SLCO3A1: variants seen among roughly 807,000 people sequenced by gnomAD.
SLCO3A1 encodes solute carrier organic anion transporter family member 3A1.
In SLCO3A1, 27 loss-of-function variants were observed where a neutral mutation model predicts 63.1. The observed-to-expected ratio is 0.43, with a 90% CI of 0.32 to 0.59. The LOEUF (loss-of-function observed/expected upper bound fraction) is 0.59. SLCO3A1 is among the 20% of genes least tolerant of loss of function. SLCO3A1 has a pLI of 0.09. For synonymous variants in SLCO3A1, 473 were observed against 409.9 expected (o/e 1.15, Z -1.86); for missense variants, 773 against 945.8 (o/e 0.82, Z 2.40).
intron 2 of SLCO3A1, among the ~76,000 whole-genome samples, chr15:92,040,937 C>A (rs959398963): frequency 6.6e-6 from 1 of 152,098 alleles, no homozygotes; most frequent in African/African-American, 2.4e-5. Context: ...AAGATTGATT[C>A]GGTTTGAGCA....
At chr15:92,050,509 C>A (rs981507671) in intron 2 of SLCO3A1, among the ~76,000 whole-genome samples, 2 of 152,292 alleles carry the variant, frequency 1.3e-5, no homozygotes, top group East Asian at 3.9e-4. Flanking sequence ...CTGGTATGGT[C>A]GGAAGTGGAT....
chr15:92,076,250 G>T (rs2047275100), intron 2 of SLCO3A1, among the ~76,000 whole-genome samples: 2 of 152,092 alleles, frequency 1.3e-5, no homozygotes, highest in Non-Finnish European at 2.9e-5. Context: ...GGTTGGAAAG[G>T]GGTGAGAATG....
In SLCO3A1 at chr15:92,163,864, TG is replaced by T. The variant is rs2048470748; in HGVS notation, c.*735del. 3.6e-5 allele frequency: 35 copies of T among 985,638 alleles called. No individual in the cohort carries two copies. The highest frequency in any genetic ancestry group is 4.1e-5 in the Non-Finnish European group (34 of 830,144). The allele number at this position is 985,638 out of a possible 1,614,324, so 61.1% of individuals were successfully genotyped here. A position where few individuals can be genotyped will look rare whatever the true frequency, so the allele number is the denominator to read the frequency against. ...ACTGAGGGCCTGAGGGGGAGCCAGG[TG>T]GGGGGCCAGCACCTCCCAGTGGCGG... is the stretch of plus-strand genomic sequence containing the variant. On this transcript the variant is annotated 3_prime_UTR_variant, in exon 10 of 10. Coordinates refer to ENST00000318445, the MANE Select transcript of SLCO3A1 (RefSeq NM_013272.4).
intron 1 of SLCO3A1, among the ~76,000 whole-genome samples, chr15:91,909,763 T>C (rs1056070272): frequency 3.9e-5 from 6 of 152,220 alleles, no homozygotes; most frequent in Admixed American, 6.5e-5. Flanking sequence ...GGTGAGACTC[T>C]CGCAGGGACC....
rs1330382238 is a variant in SLCO3A1 at position 92,104,282 on chromosome 15, A to T, written c.749A>T (p.Asn250Ile). The stretch of plus-strand genomic sequence containing the variant: ...GCTGTGCTCTTTCCATTTACAGGTA[A>T]CCTGGACATCACTCCGGACGACCCC... ...YVDAVFIDTS[N>I]LDITPDDPRW... The change falls in exon 4 of 10, where the codon AAC becomes ATC. Residue 250 changes from asparagine to isoleucine, a missense_variant. Physicochemically the swap from Asn to Ile is moderately radical, Grantham distance 149. Around this residue, in one of 3 missense-constraint regions of SLCO3A1, gnomAD observed 565 missense variants for 749.8 expected, o/e 0.75. Coordinates refer to ENST00000318445, the MANE Select transcript of SLCO3A1 (RefSeq NM_013272.4). 3 of 1,613,988 alleles carry T rather than the reference A, an allele frequency of 1.9e-6. No individual in the cohort carries two copies. In the African/African-American group the frequency reaches 4.0e-5, roughly 22 times the overall value.
intron 2 of SLCO3A1, among the ~76,000 whole-genome samples, chr15:91,984,640 A>G (rs778117333): frequency 1.3e-5 from 2 of 152,230 alleles, no homozygotes; most frequent in Non-Finnish European, 2.9e-5. Flanking sequence ...TGAAATAAAC[A>G]GTATTGTAAA....
At chr15:91,936,798 A>G (rs1226101996) in intron 2 of SLCO3A1, among the ~76,000 whole-genome samples, 1 of 152,144 alleles carries the variant, frequency 6.6e-6, no homozygotes, top group Admixed American at 6.5e-5. Flanking sequence ...CCTCTGGGTG[A>G]AGGAGGCTGT....
chr15:92,148,518 T>G (rs1171221326), intron 8 of SLCO3A1, among the ~76,000 whole-genome samples: 2 of 152,144 alleles, frequency 1.3e-5, no homozygotes, highest in Admixed American at 6.5e-5. Context: ...ACTTACTAAG[T>G]TTGAAAAATA....
chr15:91,915,312 C>CA (rs1171675764), intron 1 of SLCO3A1, among the ~76,000 whole-genome samples: 6 of 151,980 alleles, frequency 3.9e-5, no homozygotes, highest in East Asian at 1.9e-4. Context: ...GACAAGAATA[C>CA]AAAAAAACGG....
intron 2 of SLCO3A1, among the ~76,000 whole-genome samples, chr15:91,919,235 A>G (rs953205100): frequency 1.3e-5 from 2 of 152,230 alleles, no homozygotes; most frequent in Non-Finnish European, 2.9e-5. Flanking sequence ...GATATTTTCC[A>G]CTGAAATGAC....
chr15:91,892,111 T>C (rs1157866146), intron 1 of SLCO3A1, among the ~76,000 whole-genome samples: 2 of 152,178 alleles, frequency 1.3e-5, no homozygotes, highest in African/African-American at 4.8e-5. Context: ...ACTTGTAGAA[T>C]ATGATGTGTA....
chr15:91,944,804 G>A (rs1899746459), intron 2 of SLCO3A1, among the ~76,000 whole-genome samples: 1 of 152,108 alleles, frequency 6.6e-6, no homozygotes, highest in South Asian at 2.1e-4. Flanking sequence ...AGGGGGAAAG[G>A]CACGAGCAGG....
rs190672878 is a variant in SLCO3A1 at position 92,075,332 on chromosome 15, C to G, written c.647-19549C>G. 8.5e-5 allele frequency among the ~76,000 whole-genome samples: 13 copies of G among 152,270 alleles called. No homozygotes were observed. The East Asian group carries it at 2.5e-3, about 29-fold the overall frequency. On this transcript the variant is annotated intron_variant, in intron 2 of 9. Transcript: ENST00000318445. ...TCTAGATCCTTACTTCTCCCAAAAG[C>G]CCCTCCAGGAGGTAATCCAGCATGG...
intron 2 of SLCO3A1, among the ~76,000 whole-genome samples, chr15:92,049,789 A>T (rs1049566652): frequency 6.6e-6 from 1 of 152,176 alleles, no homozygotes; most frequent in African/African-American, 2.4e-5. Context: ...TCAGGAAGAC[A>T]TCTGGGAGGA....
At chr15:92,144,725 C>G (rs2048197705) in intron 7 of SLCO3A1, among the ~76,000 whole-genome samples, 1 of 152,232 alleles carries the variant, frequency 6.6e-6, no homozygotes, top group Non-Finnish European at 1.5e-5. Flanking sequence ...CCCGTCCTTG[C>G]AGGAAAGCGA....
chr15:92,054,242 A>C (rs565310905), intron 2 of SLCO3A1, among the ~76,000 whole-genome samples: 184 of 152,266 alleles, frequency 1.2e-3, no homozygotes, highest in African/African-American at 4.3e-3. Flanking sequence ...CTCTAGACTC[A>C]TGCTGTATTA....
At chr15:91,972,552 A>G (rs1437566684) in intron 2 of SLCO3A1, among the ~76,000 whole-genome samples, 2 of 152,342 alleles carry the variant, frequency 1.3e-5, no homozygotes, top group Admixed American at 6.5e-5. Context: ...TGTGAGAAGT[A>G]AATTTCTGTT....
chr15:92,165,650 C>T lies in SLCO3A1; in HGVS notation c.*2515C>T, dbSNP rs377051656. On this transcript the variant is annotated 3_prime_UTR_variant, in exon 10 of 10. Coordinates refer to ENST00000318445, the MANE Select transcript of SLCO3A1 (RefSeq NM_013272.4). ...AGCAATTGGGTATAAATTTAAAGAC[C>T]GCTGTTGCAGGATGGCTCTGAATTC... The T allele has an allele frequency of 4.4e-5, 43 of 985,128 alleles. No individual in the cohort carries two copies. The East Asian group carries it at 5.7e-4, about 13-fold the overall frequency. 61.0% of individuals were successfully genotyped at this position (985,128 alleles called of 1,614,324 possible).
intron 2 of SLCO3A1, among the ~76,000 whole-genome samples, chr15:92,062,090 C>A (rs1164716822): frequency 6.6e-6 from 1 of 152,228 alleles, no homozygotes; most frequent in Non-Finnish European, 1.5e-5. Context: ...GGATGAAGAG[C>A]AAACCCTGAA....
Sources: allele counts gnomAD v4.1 joint callset (sites outside exome capture counted in the v4.1 genomes callset), GRCh38; gene constraint gnomAD v4.1.1; regional missense constraint gnomAD v4.1.1; transcripts MANE v1.5; gene names NCBI Gene and HGNC (gene_info 2026-07-23, HGNC 2026-07-21).